Variants in RPRD1A observed in about 807,000 individuals in gnomAD.
RPRD1A encodes the protein regulation of nuclear pre-mRNA domain containing 1A.
RPRD1A carries 9 observed loss-of-function variants against 37.8 expected under a neutral mutation model. The ratio of observed to expected loss-of-function variants is 0.24; its 90% CI spans 0.14 to 0.42. RPRD1A has a LOEUF of 0.42. Among genes scored for constraint, RPRD1A ranks in the 10% least tolerant of loss-of-function variants. The pLI is 1.00. For synonymous variants in RPRD1A, 138 were observed against 139.7 expected, an observed-to-expected ratio of 0.99 and a Z score of 0.08; for missense variants, 255 against 371.0, an observed-to-expected ratio of 0.69 and a Z score of 2.57.
chr18:36,059,665 TG>T (rs951788553), intron 1 of RPRD1A, among the ~76,000 whole-genome samples: 3 of 152,146 alleles, frequency 2.0e-5, no homozygotes, highest in Admixed American at 6.5e-5. Context: ...AGAATTTCTT[TG>T]GAACAACCAA....
At chr18:36,062,391 G>A (rs1424501809) in intron 1 of RPRD1A, among the ~76,000 whole-genome samples, 2 of 148,424 alleles carry the variant, frequency 1.3e-5, no homozygotes, top group African/African-American at 2.5e-5. Flanking sequence ...TCCTCAAAAG[G>A]TTGAACATAG....
chr18:36,022,543 GA>G (rs1379392939), intron 6 of RPRD1A, among the ~76,000 whole-genome samples: 2 of 152,188 alleles, frequency 1.3e-5, no homozygotes, highest in Non-Finnish European at 2.9e-5. Context: ...AATAATTCTA[GA>G]GTCCTTAAGA....
At chr18:36,062,539 G>A (rs927479451) in intron 1 of RPRD1A, among the ~76,000 whole-genome samples, 5 of 151,614 alleles carry the variant, frequency 3.3e-5, no homozygotes, top group African/African-American at 1.2e-4. Flanking sequence ...CAACTCGAAC[G>A]TCTATCAACT....
At chr18:36,064,180 T>C (rs528411692) in intron 1 of RPRD1A, 1 of 152,566 alleles carries the variant, frequency 6.6e-6, no homozygotes, top group Non-Finnish European at 1.5e-5. Flanking sequence ...GCTGCTGCAC[T>C]GTGGGAGCCC....
rs757893264 is a variant in RPRD1A at position 35,990,396 on chromosome 18, A to G, written c.*2755T>C. ...TTTTGCTGATTCTGAAAGATTTCTT[A>G]TAGAAAAACCCTGATTCAGAGTGCA... On this transcript the variant is annotated 3_prime_UTR_variant, in exon 7 of 7. Transcript: ENST00000399022. 2 of 152,216 alleles carry G rather than the reference A, an allele frequency of 1.3e-5. No individual in the cohort carries two copies. Among genetic ancestry groups the G allele is most frequent in the Non-Finnish European group, 2.9e-5 (2 of 68,032 alleles). 9.4% of individuals were successfully genotyped at this position (152,216 alleles called of 1,614,324 possible). A position where few individuals can be genotyped will look rare whatever the true frequency, so the allele number is the denominator to read the frequency against.
chr18:36,050,874 T>C (rs1045813166), intron 1 of RPRD1A, among the ~76,000 whole-genome samples: 1 of 151,844 alleles, frequency 6.6e-6, no homozygotes, highest in African/African-American at 2.4e-5. Context: ...TTTTCTTTTT[T>C]TTTTTTACTG....
At chr18:36,043,095 ATGTAT>A (rs1477547598) in intron 1 of RPRD1A, among the ~76,000 whole-genome samples, 1 of 150,008 alleles carries the variant, frequency 6.7e-6, no homozygotes, top group Non-Finnish European at 1.5e-5. Context: ...AAAGCGATTG[ATGTAT>A]TGATATGGAA....
intron 1 of RPRD1A, among the ~76,000 whole-genome samples, chr18:36,050,477 G>C (rs1172659937): frequency 1.3e-5 from 2 of 151,830 alleles, no homozygotes; most frequent in East Asian, 3.9e-4. Context: ...TGTCATATAT[G>C]GATTGCAAAT....
chr18:36,063,548 G>C (rs1386470248), intron 1 of RPRD1A, among the ~76,000 whole-genome samples: 2 of 152,168 alleles, frequency 1.3e-5, no homozygotes, highest in East Asian at 1.9e-4. Flanking sequence ...AGAATGCCTA[G>C]CTTAACACAA....
intron 6 of RPRD1A, among the ~76,000 whole-genome samples, chr18:36,009,320 G>T (rs907647208): frequency 1.3e-5 from 2 of 152,034 alleles, no homozygotes; most frequent in African/African-American, 4.8e-5. Flanking sequence ...CCCGTTCCAA[G>T]CTCCAACACA....
chr18:36,009,628 T>C (rs1910044754), intron 6 of RPRD1A, among the ~76,000 whole-genome samples: 3 of 152,264 alleles, frequency 2.0e-5, no homozygotes, highest in Non-Finnish European at 2.9e-5. Context: ...AATTTCTTCA[T>C]TTCCTATGTC....
intron 1 of RPRD1A, among the ~76,000 whole-genome samples, chr18:36,037,237 C>T (rs1912255573): frequency 6.6e-6 from 1 of 151,996 alleles, no homozygotes; most frequent in Non-Finnish European, 1.5e-5. Flanking sequence ...AATTGTGGTT[C>T]CCATAATCCC....
chr18:36,032,633 G>A (rs1037113510), intron 2 of RPRD1A, among the ~76,000 whole-genome samples: 10 of 152,178 alleles, frequency 6.6e-5, no homozygotes, highest in Non-Finnish European at 1.5e-4. Context: ...ATACATTATG[G>A]TAACTAAAAG....
At position 35,990,409 on chromosome 18, in the gene RPRD1A, G is replaced by A. The variant is rs2144120378; in HGVS notation, c.*2742C>T. 1 of 152,310 alleles carries A rather than the reference G, an allele frequency of 6.6e-6. No homozygotes were observed. The highest frequency in any genetic ancestry group is 1.9e-4 in the East Asian group (1 of 5,192). The allele number at this position is 152,310 out of a possible 1,614,324, so 9.4% of individuals were successfully genotyped here. Reference sequence around the variant, plus strand: ...GAAAGATTTCTTATAGAAAAACCCTGATTCAGAGTGCATGTGATAGGAGAT... The same window carrying A: ...GAAAGATTTCTTATAGAAAAACCCTAATTCAGAGTGCATGTGATAGGAGAT... On this transcript the variant is annotated 3_prime_UTR_variant, in exon 7 of 7. Coordinates refer to ENST00000399022, the MANE Select transcript of RPRD1A (RefSeq NM_018170.5).
chr18:36,014,699 C>T (rs558567709), intron 6 of RPRD1A, among the ~76,000 whole-genome samples: 23 of 152,162 alleles, frequency 1.5e-4, no homozygotes, highest in African/African-American at 5.3e-4. Context: ...GCCGAGATCG[C>T]GCCACGGCAC....
At chr18:36,003,094 C>T (rs908047859) in intron 6 of RPRD1A, among the ~76,000 whole-genome samples, 3 of 152,144 alleles carry the variant, frequency 2.0e-5, no homozygotes, top group Non-Finnish European at 4.4e-5. Flanking sequence ...CTCTGATCTC[C>T]CCAGTTCCCT....
intron 6 of RPRD1A, among the ~76,000 whole-genome samples, chr18:36,007,892 C>T (rs540586799): frequency 1.0e-3 from 157 of 152,120 alleles, no homozygotes; most frequent in Middle Eastern, 3.4e-3. Context: ...GAGCCGAGAT[C>T]GCGCCACTGC....
At chr18:36,045,595 C>A (rs1334607435) in intron 1 of RPRD1A, among the ~76,000 whole-genome samples, 1 of 152,208 alleles carries the variant, frequency 6.6e-6, no homozygotes, top group African/African-American at 2.4e-5. Context: ...ATTTCTAATT[C>A]TTCCAGAAAG....
intron 6 of RPRD1A, among the ~76,000 whole-genome samples, chr18:36,009,464 C>T (rs890314247): frequency 6.6e-6 from 1 of 152,166 alleles, no homozygotes; most frequent in Non-Finnish European, 1.5e-5. Context: ...TGACATGGAA[C>T]GTTTGTGTGA....
Sources: gnomAD v4.1 joint callset for allele counts (sites outside exome capture counted in the v4.1 genomes callset) on GRCh38, gnomAD v4.1.1 for gene constraint, MANE v1.5 for transcripts, NCBI Gene and HGNC (gene_info 2026-07-23, HGNC 2026-07-21) for gene names.